The following EVI5 variants were observed in gnomAD, a reference collection of about 807,000 sequenced individuals.
EVI5 encodes the protein ecotropic viral integration site 5 protein homolog.
EVI5 carries 73 observed loss-of-function variants against 112.0 expected under a neutral mutation model. The observed-to-expected ratio is 0.65, with a 90% CI of 0.54 to 0.79. EVI5 has a LOEUF of 0.79. Ranked by LOEUF, EVI5 falls within the 30% of genes least tolerant of loss-of-function variation. The probability of loss-of-function intolerance (pLI) is 0.00; values close to 1 mark genes in which losing one functional copy is unlikely to be tolerated. For synonymous variants in EVI5, 305 were observed against 319.9 expected (o/e 0.95, Z 0.50); for missense variants, 900 against 968.8 (o/e 0.93, Z 0.94).
At chr1:92,770,451 A>G (rs1051397829) in intron 1 of EVI5, among the ~76,000 whole-genome samples, 5 of 152,214 alleles carry the variant, frequency 3.3e-5, no homozygotes, top group Non-Finnish European at 5.9e-5. Context: ...TCCATAAAGT[A>G]TAACTACTGG....
intron 19 of EVI5, among the ~76,000 whole-genome samples, chr1:92,547,051 C>A (rs2100697113): frequency 6.6e-6 from 1 of 152,186 alleles, no homozygotes; most frequent in Non-Finnish European, 1.5e-5. Flanking sequence ...ATACATTCTT[C>A]TCAGCACCAC....
chr1:92,693,894 A>C lies in EVI5; in HGVS notation c.1005T>G (p.Phe335Leu), dbSNP rs1669888351. ...CAAACTGATGTGGAATGACCTTTTG[A>C]AAGTGCTAAGATACAATTAAAAAAA... ...QLDMEGMLQHFQKVIPHQFDG... is the reference protein window; with the variant it reads ...QLDMEGMLQHLQKVIPHQFDG... The change falls in exon 9 of 20, where the codon TTT becomes TTG. Residue 335 changes from phenylalanine to leucine, a missense_variant. Coordinates refer to ENST00000684568, the MANE Select transcript of EVI5 (RefSeq NM_001350197.2). The C allele has an allele frequency of 6.4e-7, 1 of 1,571,902 alleles. No individual in the cohort carries two copies. Among genetic ancestry groups the C allele is most frequent in the Admixed American group, 1.7e-5 (1 of 59,242 alleles).
At chr1:92,630,552 T>C (rs1226229987) in intron 14 of EVI5, among the ~76,000 whole-genome samples, 2 of 151,910 alleles carry the variant, frequency 1.3e-5, no homozygotes, top group Non-Finnish European at 2.9e-5. Context: ...GAGTTCATTG[T>C]AGATTCTGGA....
chr1:92,666,260 A>G (rs1407565803), intron 10 of EVI5, among the ~76,000 whole-genome samples: 1 of 151,946 alleles, frequency 6.6e-6, no homozygotes, highest in Non-Finnish European at 1.5e-5. Context: ...TCTGGGCAAC[A>G]TGGCGAAACC....
chr1:92,694,338 C>G lies in EVI5; in HGVS notation c.960G>C (p.Gln320His). The G allele has an allele frequency of 6.2e-7, 1 of 1,606,862 alleles. No individual in the cohort carries two copies. Reference sequence around the variant, plus strand: ...CCATGTCAAGTTGCATCAGTTCTGCCTGATTCATCTGAAGAAGTGCTAATC... The same window carrying G: ...CCATGTCAAGTTGCATCAGTTCTGCGTGATTCATCTGAAGAAGTGCTAATC... ...RVGLALLQMN[Q>H]AELMQLDMEG... is the part of the protein sequence containing the mutation. Residue 320 changes from glutamine to histidine, a missense_variant, in exon 8 of 20, where the codon CAG becomes CAC. Gln to His is a conservative substitution (Grantham distance 24). Coordinates refer to ENST00000684568, the MANE Select transcript of EVI5 (RefSeq NM_001350197.2).
At chr1:92,672,342 CTT>C (rs1666017951) in intron 10 of EVI5, among the ~76,000 whole-genome samples, 1 of 152,308 alleles carries the variant, frequency 6.6e-6, no homozygotes, top group South Asian at 2.1e-4. Flanking sequence ...CTTCCTACCA[CTT>C]TTCTCATCAT....
intron 19 of EVI5, among the ~76,000 whole-genome samples, chr1:92,531,800 G>GA (rs1662908845): frequency 6.6e-6 from 1 of 152,142 alleles, no homozygotes; most frequent in South Asian, 2.1e-4. Flanking sequence ...ACTAAACATG[G>GA]AAAGGATCAG....
intron 13 of EVI5, among the ~76,000 whole-genome samples, chr1:92,656,829 TAGGAAG>T (rs1282675386): frequency 6.6e-6 from 1 of 152,064 alleles, no homozygotes; most frequent in East Asian, 1.9e-4. Context: ...AAGGCTGAAC[TAGGAAG>T]AGACAGAAAT....
chr1:92,647,522 A>C, intron 13 of EVI5: 2 of 514,554 alleles, frequency 3.9e-6, no homozygotes, highest in Non-Finnish European at 7.2e-6. Context: ...CACTTCTTGG[A>C]AAATTCTGCA....
chr1:92,704,299 G>A (rs770838694), intron 3 of EVI5, among the ~76,000 whole-genome samples: 10 of 152,144 alleles, frequency 6.6e-5, no homozygotes, highest in Non-Finnish European at 1.2e-4. Flanking sequence ...GAGCAACAAA[G>A]TGAGTCTTTA....
At chr1:92,664,015 G>A (rs758752724) in intron 11 of EVI5, among the ~76,000 whole-genome samples, 2 of 152,158 alleles carry the variant, frequency 1.3e-5, no homozygotes, top group African/African-American at 2.4e-5. Context: ...CCCGAAGTGC[G>A]GGGATCATAG....
intron 19 of EVI5, among the ~76,000 whole-genome samples, chr1:92,551,354 T>C (rs12565259): frequency 0.086 from 13,052 of 152,114 alleles, 1,589 homozygotes; most frequent in African/African-American, 0.27. Context: ...TTCCTCCCCC[T>C]TCTCCATTTT....
At chr1:92,684,245 A>C (rs1668108355) in intron 9 of EVI5, among the ~76,000 whole-genome samples, 2 of 152,356 alleles carry the variant, frequency 1.3e-5, no homozygotes, top group Admixed American at 1.3e-4. Context: ...GGGGGCCAAT[A>C]TTCAACATTC....
intron 5 of EVI5, among the ~76,000 whole-genome samples, chr1:92,698,840 T>A (rs1670698873): frequency 6.6e-6 from 1 of 152,226 alleles, no homozygotes; most frequent in African/African-American, 2.4e-5. Flanking sequence ...AGGTACCAAT[T>A]TCACATTTTA....
intron 19 of EVI5, among the ~76,000 whole-genome samples, chr1:92,561,384 A>C (rs567240671): frequency 4.6e-4 from 70 of 152,200 alleles, no homozygotes; most frequent in Non-Finnish European, 8.7e-4. Flanking sequence ...TCCACTCTTT[A>C]AATCTGCACA....
chr1:92,754,521 T>A (rs559704741), intron 1 of EVI5, among the ~76,000 whole-genome samples: 1 of 97,994 alleles, frequency 1.0e-5, no homozygotes, highest in South Asian at 5.7e-4. Context: ...TGGCCTCTCA[T>A]GAGCTTGCAG....
intron 18 of EVI5, among the ~76,000 whole-genome samples, chr1:92,596,379 G>T (rs548281503): frequency 6.6e-6 from 1 of 151,758 alleles, no homozygotes; most frequent in Non-Finnish European, 1.5e-5. Flanking sequence ...AACAAAAATA[G>T]CAACAAAAAA....
chr1:92,529,512 A>G (rs1662483041), intron 19 of EVI5, among the ~76,000 whole-genome samples: 2 of 152,204 alleles, frequency 1.3e-5, no homozygotes, highest in Admixed American at 6.5e-5. Flanking sequence ...CTAAAAATCT[A>G]TGGGGAACAA....
At chr1:92,699,813 T>C (rs1328570224) in intron 5 of EVI5, among the ~76,000 whole-genome samples, 1 of 152,200 alleles carries the variant, frequency 6.6e-6, no homozygotes, top group Non-Finnish European at 1.5e-5. Flanking sequence ...CCATCACACA[T>C]GCAGTCCACC....
Sources: allele counts gnomAD v4.1 joint callset (sites outside exome capture counted in the v4.1 genomes callset), GRCh38; gene constraint gnomAD v4.1.1; transcripts MANE v1.5; gene names NCBI Gene and HGNC (gene_info 2026-07-23, HGNC 2026-07-21).